Variants in HS6ST2 observed in about 807,000 individuals in gnomAD.
The protein encoded by HS6ST2 is heparan sulfate 6-O-sulfotransferase 2.
In HS6ST2, 17 loss-of-function variants were observed where a neutral mutation model predicts 33.0. The observed-to-expected ratio is 0.52, with a 90% CI of 0.35 to 0.77. HS6ST2 has a LOEUF of 0.77. Among genes scored for constraint, HS6ST2 ranks in the 30% least tolerant of loss-of-function variants. The pLI is 0.01. For synonymous variants in HS6ST2, 248 were observed against 237.1 expected (o/e 1.05, Z -0.42); for missense variants, 519 against 551.7 (o/e 0.94, Z 0.59).
chrX:132,865,773 C>T (rs2065969571), intron 2 of HS6ST2, among the ~76,000 whole-genome samples: 1 of 112,003 alleles, frequency 8.9e-6, no homozygotes, highest in South Asian at 3.7e-4. Context: ...GGATAAATGT[C>T]TTCTTTTGAG....
At chrX:132,738,296 A>G (rs1173103949) in intron 2 of HS6ST2, among the ~76,000 whole-genome samples, 1 of 112,243 alleles carries the variant, frequency 8.9e-6, no homozygotes, top group Non-Finnish European at 1.9e-5. Context: ...TGCCTAACTC[A>G]CAGATAGCAT....
intron 2 of HS6ST2, among the ~76,000 whole-genome samples, chrX:132,729,520 G>C (rs914220532): frequency 3.6e-5 from 4 of 111,487 alleles, no homozygotes; most frequent in African/African-American, 9.8e-5. Flanking sequence ...ATGTCTGTGT[G>C]AGGCTGGATT....
At chrX:132,843,951 C>A (rs1179510590) in intron 2 of HS6ST2, among the ~76,000 whole-genome samples, 1 of 111,808 alleles carries the variant, frequency 8.9e-6, no homozygotes, top group Non-Finnish European at 1.9e-5. Context: ...GAGCAGAGAA[C>A]AAACAAATAA....
chrX:132,898,381 T>TTATATATATATATATA (rs10545986), intron 2 of HS6ST2, among the ~76,000 whole-genome samples: 17 of 89,221 alleles, frequency 1.9e-4, no homozygotes, highest in African/African-American at 5.6e-4. Context: ...CAACATAAGG[T>TTATATATATATATATA]TATATATATA....
chrX:132,923,380 T>C (rs2066675439), intron 2 of HS6ST2, among the ~76,000 whole-genome samples: 1 of 111,350 alleles, frequency 9.0e-6, no homozygotes, highest in African/African-American at 3.3e-5. Flanking sequence ...GAGGAGGAAG[T>C]CCATTTAGAT....
intron 2 of HS6ST2, among the ~76,000 whole-genome samples, chrX:132,770,762 G>A (rs1480092331): frequency 9.0e-5 from 10 of 111,069 alleles, no homozygotes; most frequent in Non-Finnish European, 1.5e-4. Flanking sequence ...CACCTACTGC[G>A]GTAAATGCTT....
intron 3 of HS6ST2, among the ~76,000 whole-genome samples, chrX:132,671,689 C>T (rs2063881982): frequency 9.1e-6 from 1 of 109,649 alleles, no homozygotes; most frequent in Admixed American, 9.7e-5. Flanking sequence ...GAATAAGGGC[C>T]CCTCTAACCT....
intron 2 of HS6ST2, among the ~76,000 whole-genome samples, chrX:132,744,484 C>T (rs1411440929): frequency 8.9e-6 from 1 of 112,256 alleles, no homozygotes; most frequent in Non-Finnish European, 1.9e-5. Flanking sequence ...GTTCCAATAG[C>T]TTGTGTCAAC....
chrX:132,731,894 G>A (rs956353688), intron 2 of HS6ST2, among the ~76,000 whole-genome samples: 10 of 110,044 alleles, frequency 9.1e-5, no homozygotes, highest in South Asian at 3.9e-4. Flanking sequence ...AGCACACTCC[G>A]TGGTTCTATA....
At chrX:132,632,314 A>C (rs1410171858) in intron 4 of HS6ST2, among the ~76,000 whole-genome samples, 1 of 111,496 alleles carries the variant, frequency 9.0e-6, no homozygotes, top group Non-Finnish European at 1.9e-5. Flanking sequence ...GAAAGAAAGA[A>C]AGATCTGCTG....
chrX:132,836,597 A>G (rs1353297345), intron 2 of HS6ST2, among the ~76,000 whole-genome samples: 2 of 112,876 alleles, frequency 1.8e-5, no homozygotes, highest in African/African-American at 6.4e-5. Flanking sequence ...ACACAGGTTC[A>G]ACATATCTCA....
At position 132,794,577 on chromosome X, in the gene HS6ST2, T is replaced by TGATGATGATG. The variant is rs1160771963; in HGVS notation, c.948-86084_948-86083insCATCATCATC. 7.1e-3 allele frequency among the ~76,000 whole-genome samples: 548 copies of TGATGATGATG among 76,979 alleles called. 3 individuals are homozygous for TGATGATGATG. The highest frequency in any genetic ancestry group is 0.027 in the African/African-American group (518 of 19,473). 66.8% of individuals were successfully genotyped at this position (76,979 alleles called of 115,157 possible). A position where few individuals can be genotyped will look rare whatever the true frequency, so the allele number is the denominator to read the frequency against. Reference sequence around the variant, plus strand: ...CCTGGATGATGATGATGATGATGATTATTATTATTATTATTATTATTATTA... The same window carrying TGATGATGATG: ...CCTGGATGATGATGATGATGATGATTGATGATGATGATTATTATTATTATTATTATTATTA... On this transcript the variant is annotated intron_variant, in intron 2 of 4. Coordinates refer to ENST00000370833, the MANE Select transcript of HS6ST2 (RefSeq NM_001394073.1).
intron 4 of HS6ST2, among the ~76,000 whole-genome samples, chrX:132,657,396 A>G: frequency 9.1e-6 from 1 of 110,077 alleles, no homozygotes; most frequent in African/African-American, 3.3e-5. Context: ...ATAGTCGGTG[A>G]GACACTAGGC....
chrX:132,942,076 T>C (rs1302065608), intron 2 of HS6ST2, among the ~76,000 whole-genome samples: 2 of 111,971 alleles, frequency 1.8e-5, no homozygotes, highest in Non-Finnish European at 3.8e-5. Context: ...CACACCAATA[T>C]GCTTCATTTC....
At chrX:132,648,059 G>A (rs1217315077) in intron 4 of HS6ST2, among the ~76,000 whole-genome samples, 2 of 112,134 alleles carry the variant, frequency 1.8e-5, no homozygotes, top group Non-Finnish European at 3.8e-5. Flanking sequence ...TTAATACTTA[G>A]AATTGTGTTT....
intron 3 of HS6ST2, among the ~76,000 whole-genome samples, chrX:132,670,574 C>T (rs757405318): frequency 1.8e-5 from 2 of 111,537 alleles, no homozygotes; most frequent in African/African-American, 3.3e-5. Flanking sequence ...CCAAGTCAGG[C>T]GGATCACGAG....
chrX:132,848,035 G>A (rs1034329840), intron 2 of HS6ST2, among the ~76,000 whole-genome samples: 1 of 112,167 alleles, frequency 8.9e-6, no homozygotes, highest in African/African-American at 3.2e-5. Flanking sequence ...ATCAGATGGG[G>A]GTGGGTGGTG....
intron 2 of HS6ST2, among the ~76,000 whole-genome samples, chrX:132,794,828 T>G (rs960471215): frequency 9.0e-6 from 1 of 110,712 alleles, no homozygotes; most frequent in Non-Finnish European, 1.9e-5. Context: ...CCCACAGTCA[T>G]ACACCTCAGA....
At chrX:132,733,176 C>T (rs759279547) in intron 2 of HS6ST2, among the ~76,000 whole-genome samples, 12 of 111,827 alleles carry the variant, frequency 1.1e-4, no homozygotes, top group Non-Finnish European at 2.1e-4. Context: ...GATATTCCCA[C>T]TCCTTTAGAC....
Sources: allele counts gnomAD v4.1 joint callset (sites outside exome capture counted in the v4.1 genomes callset), GRCh38; gene constraint gnomAD v4.1.1; transcripts MANE v1.5; gene names NCBI Gene and HGNC (gene_info 2026-07-23, HGNC 2026-07-21).